SCN11A: variants seen among roughly 807,000 people sequenced by gnomAD.
SCN11A encodes sodium channel protein type 11 subunit alpha.
SCN11A carries 122 observed loss-of-function variants against 162.2 expected under a neutral mutation model. The ratio of observed to expected loss-of-function variants is 0.75; its 90% CI spans 0.65 to 0.87. The LOEUF is 0.87. Ranked by LOEUF, SCN11A falls within the 40% of genes least tolerant of loss-of-function variation. The pLI is 0.00. For synonymous variants in SCN11A, 758 were observed against 751.5 expected (o/e 1.01, Z -0.14); for missense variants, 2,015 against 2,181.6 (o/e 0.92, Z 1.52).
At chr3:38,897,292 C>T in intron 17 of SCN11A, 67 bp from the exon 18 acceptor site, 3 of 1,488,098 alleles carry the variant, frequency 2.0e-6, no homozygotes, top group Non-Finnish European at 2.7e-6. Context: ...ATCTGCTCAT[C>T]TATAAAGCAA....
intron 7 of SCN11A, among the ~76,000 whole-genome samples, chr3:38,939,225 A>G (rs1388066184): frequency 1.3e-5 from 2 of 152,100 alleles, no homozygotes; most frequent in African/African-American, 4.8e-5. Context: ...AGAATTTAAG[A>G]TATAGTTTTA....
chr3:39,017,080 G>C (rs1263836372), intron 2 of SCN11A, among the ~76,000 whole-genome samples: 1 of 152,110 alleles, frequency 6.6e-6, no homozygotes, highest in African/African-American at 2.4e-5. Flanking sequence ...GGAGCTTTTG[G>C]GAGGTAATTA....
intron 28 of SCN11A, among the ~76,000 whole-genome samples, chr3:38,854,143 A>C (rs913980141): frequency 1.3e-5 from 2 of 152,190 alleles, no homozygotes; most frequent in African/African-American, 4.8e-5. Flanking sequence ...TGATAATTAT[A>C]TAAAATCCAA....
intron 22 of SCN11A, among the ~76,000 whole-genome samples, chr3:38,881,861 T>A (rs1304124276): frequency 6.6e-6 from 1 of 152,212 alleles, no homozygotes; most frequent in African/African-American, 2.4e-5. Context: ...AGATAAGAAC[T>A]GGAGTTGTGT....
rs1003300857 is a variant in SCN11A, at chr3:38,952,231, C to G, written c.-8+1398G>C. ...AACCCACCAATTCCGGACACAAAAG[C>G]AGAAAGGGTTTGTTAATAGGGTTAC... On this transcript the variant is annotated intron_variant, in intron 4 of 29. Transcript: ENST00000302328. Among the ~76,000 whole-genome samples the G allele has an allele frequency of 1.4e-3, 219 of 152,014 alleles. 7 individuals carry two copies. The highest frequency in any genetic ancestry group is 0.014 in the Admixed American group (218 of 15,276).
intron 1 of SCN11A, among the ~76,000 whole-genome samples, chr3:39,042,833 T>C (rs988558208): frequency 1.3e-5 from 2 of 151,106 alleles, no homozygotes; most frequent in East Asian, 3.9e-4. Flanking sequence ...GGCGCATACC[T>C]GTAATCCCAA....
At chr3:39,017,191 C>G (rs899514669) in intron 2 of SCN11A, among the ~76,000 whole-genome samples, 1 of 152,166 alleles carries the variant, frequency 6.6e-6, no homozygotes, top group African/African-American at 2.4e-5. Context: ...TGTGAGAACA[C>G]AATAAAAATG....
In SCN11A at chr3:38,886,252, C is replaced by A. The variant is rs1433019179; in HGVS notation, c.2836-14G>T. 9 of 1,544,046 alleles carry A rather than the reference C, an allele frequency of 5.8e-6. No homozygotes were observed. The highest frequency in any genetic ancestry group is 7.1e-6 in the Non-Finnish European group (8 of 1,119,872). ...GAGCTCATAGGCCTAACACAGAGAG[C>A]CCAGAATAGAATTAATATTCCTCCT... On this transcript the variant is annotated splice_polypyrimidine_tract_variant and intron_variant, in intron 19 of 29. Transcript: ENST00000302328.
intron 2 of SCN11A, among the ~76,000 whole-genome samples, chr3:38,974,694 C>CA (rs773028321): frequency 0.13 from 6,082 of 47,590 alleles, 678 homozygotes; most frequent in African/African-American, 0.27. Flanking sequence ...GACTCCGTCT[C>CA]AAAAAAAAAA....
At chr3:39,001,197 A>G (rs1245274705) in intron 2 of SCN11A, among the ~76,000 whole-genome samples, 1 of 152,324 alleles carries the variant, frequency 6.6e-6, no homozygotes, top group South Asian at 2.1e-4. Context: ...TATTCACAAT[A>G]TTGTGCAACC....
intron 2 of SCN11A, among the ~76,000 whole-genome samples, chr3:39,007,867 T>C (rs961274399): frequency 9.9e-5 from 15 of 152,266 alleles, no homozygotes; most frequent in African/African-American, 3.6e-4. Flanking sequence ...TGTAGCAAAG[T>C]TGGAGAGAAG....
At position 38,846,714 on chromosome 3, in the gene SCN11A, C is replaced by T. The variant is rs1450725387; in HGVS notation, c.5356G>A (p.Gly1786Ser). Residue 1786 changes from glycine to serine, a missense_variant, in exon 30 of 30, where the codon GGC (glycine) becomes AGC (serine). Coordinates refer to ENST00000302328, the MANE Select transcript of SCN11A (RefSeq NM_001349253.2). ...AGGGCTCAGTCACAGTGGACCTTGCCCTTGGCCACCCCAAAGCTAGACAAG... is the reference window on the plus strand; with the variant it reads ...AGGGCTCAGTCACAGTGGACCTTGCTCTTGGCCACCCCAAAGCTAGACAAG... Reference protein sequence around the residue: ...GDLSSFGVAKGKVHCD With the variant: ...GDLSSFGVAKSKVHCD 2.5e-6 allele frequency: 4 copies of T among 1,614,012 alleles called. No individual in the cohort carries two copies. The highest frequency in any genetic ancestry group is 2.5e-6 in the Non-Finnish European group (3 of 1,179,994).
chr3:38,917,041 T>TA (rs1265426881), intron 11 of SCN11A, among the ~76,000 whole-genome samples: 1 of 152,164 alleles, frequency 6.6e-6, no homozygotes, highest in Non-Finnish European at 1.5e-5. Flanking sequence ...CACATAAACT[T>TA]AGAGACAAGA....
At position 38,960,348 on chromosome 3, in the gene SCN11A, G is replaced by C. The variant is rs1321457780; in HGVS notation, c.-204C>G. ...GATACTTCTTGAAGCTCTCCACAGA[G>C]CAAGTCTCTCAGCAGAGTTCGAGCT... is the stretch of plus-strand genomic sequence containing the variant. On this transcript the variant is annotated 5_prime_UTR_variant, in exon 3 of 30. Transcript: ENST00000302328. Among the ~76,000 whole-genome samples the C allele has an allele frequency of 6.6e-6, 1 of 152,190 alleles. No homozygotes were observed. Among genetic ancestry groups the C allele is most frequent in the African/African-American group, 2.4e-5 (1 of 41,452 alleles).
Position 38,846,669 on chromosome 3 carries a change from A to G in SCN11A, c.*25T>C, listed in dbSNP as rs2126075079. The G allele has an allele frequency of 6.3e-7, 1 of 1,594,206 alleles. No homozygotes were observed. Among genetic ancestry groups the G allele is most frequent in the African/African-American group, 1.3e-5 (1 of 74,622 alleles). ...AGGCTGAAGGCAAGGCTGTGAAGCT[A>G]TGAGGTAGGCGTGGAGGTGAGGGCT... On this transcript the variant is annotated 3_prime_UTR_variant, in exon 30 of 30. Transcript: ENST00000302328.
At chr3:38,992,399 A>T (rs986444578) in intron 2 of SCN11A, among the ~76,000 whole-genome samples, 8 of 152,218 alleles carry the variant, frequency 5.3e-5, no homozygotes, top group African/African-American at 9.6e-5. Flanking sequence ...TTGATAGACA[A>T]CATGCTGCTC....
intron 27 of SCN11A, among the ~76,000 whole-genome samples, chr3:38,866,470 T>C (rs532898269): frequency 6.6e-6 from 1 of 152,202 alleles, no homozygotes; most frequent in Non-Finnish European, 1.5e-5. Context: ...TTTCCCCGCC[T>C]TGGCCTCCCA....
At position 38,945,340 on chromosome 3, in the gene SCN11A, T is replaced by C. The variant is rs55730540; in HGVS notation, c.488+71A>G. ...TTAGTGACTTTTTCTTTCTCTCCAGTGTAATCATTAACTGTCTTAGGTATA... is the reference window on the plus strand; with the variant it reads ...TTAGTGACTTTTTCTTTCTCTCCAGCGTAATCATTAACTGTCTTAGGTATA... On this transcript the variant is annotated intron_variant, in intron 7 of 29. Transcript: ENST00000302328. The C allele has an allele frequency of 4.1e-3, 3,893 of 939,344 alleles. 101 individuals are homozygous for C. The African/African-American group carries it at 0.057, about 14-fold the overall frequency. 58.2% of individuals were successfully genotyped at this position (939,344 alleles called of 1,614,324 possible).
intron 19 of SCN11A, among the ~76,000 whole-genome samples, chr3:38,893,870 A>C (rs1392638409): frequency 6.6e-6 from 1 of 152,148 alleles, no homozygotes; most frequent in Non-Finnish European, 1.5e-5. Flanking sequence ...ATAGCTAAAC[A>C]TTGGTTAGAG....
Sources: gnomAD v4.1 joint callset for allele counts (sites outside exome capture counted in the v4.1 genomes callset) on GRCh38, gnomAD v4.1.1 for gene constraint, MANE v1.5 for transcripts, NCBI Gene and HGNC (gene_info 2026-07-23, HGNC 2026-07-21) for gene names.